The following HCN1 variants were observed in gnomAD, a reference collection of about 807,000 sequenced individuals.
HCN1 encodes potassium/sodium hyperpolarization-activated cyclic nucleotide-gated channel 1.
HCN1 carries 13 observed loss-of-function variants against 78.9 expected under a neutral mutation model. That is an observed-to-expected ratio of 0.16 (90% CI 0.11 to 0.26). HCN1 has a LOEUF of 0.26. HCN1 is among the 10% of genes least tolerant of loss of function. HCN1 has a pLI of 1.00. For synonymous variants in HCN1, 552 were observed against 455.5 expected, an observed-to-expected ratio of 1.21 and a Z score of -2.70; for missense variants, 810 against 1,154.3, an observed-to-expected ratio of 0.70 and a Z score of 4.32.
chr5:45,323,497 T>A (rs1478769216), intron 5 of HCN1, among the ~76,000 whole-genome samples: 3 of 151,934 alleles, frequency 2.0e-5, no homozygotes, highest in African/African-American at 4.8e-5. Flanking sequence ...CTAGATTTTT[T>A]AAAAACCTTT....
chr5:45,402,135 T>C (rs1739826164), intron 3 of HCN1, among the ~76,000 whole-genome samples: 1 of 152,116 alleles, frequency 6.6e-6, no homozygotes, highest in South Asian at 2.1e-4. Flanking sequence ...CAGGAGGGAA[T>C]GAGGAGCATA....
At chr5:45,646,481 C>T (rs1745552467) in intron 1 of HCN1, among the ~76,000 whole-genome samples, 1 of 151,030 alleles carries the variant, frequency 6.6e-6, no homozygotes, top group Non-Finnish European at 1.5e-5. Context: ...AGTGATTCTC[C>T]TCCCGCCTCA....
chr5:45,404,693 CAAAAAAA>C lies in HCN1; in HGVS notation c.1012-7990_1012-7984del, dbSNP rs60728403. 1.5e-3 allele frequency among the ~76,000 whole-genome samples: 87 copies of C among 56,240 alleles called. 1 individual carries two copies. Among genetic ancestry groups the C allele is most frequent in the South Asian group, 3.4e-3 (4 of 1,182 alleles). 36.9% of individuals were successfully genotyped at this position (56,240 alleles called of 152,430 possible). A position where few individuals can be genotyped will look rare whatever the true frequency, so the allele number is the denominator to read the frequency against. On this transcript the variant is annotated intron_variant, in intron 3 of 7. Transcript: ENST00000303230. ...GGGAGTCAGGATGAAGGGCTATTTG[CAAAAAAA>C]AAAAAAAAAAAAAAAAAAAAAGGAA... is the stretch of plus-strand genomic sequence containing the variant.
intron 3 of HCN1, among the ~76,000 whole-genome samples, chr5:45,413,878 C>CT (rs1022043237): frequency 9.9e-5 from 15 of 151,816 alleles, no homozygotes; most frequent in Admixed American, 7.3e-4. Context: ...AATAAATTAT[C>CT]TTTTTTTAGG....
intron 2 of HCN1, among the ~76,000 whole-genome samples, chr5:45,477,889 A>G (rs1355729600): frequency 6.6e-6 from 1 of 152,194 alleles, no homozygotes; most frequent in Non-Finnish European, 1.5e-5. Context: ...TTCTACAAGC[A>G]TAGTGGTTAA....
chr5:45,358,232 G>A (rs1747041845), intron 4 of HCN1, among the ~76,000 whole-genome samples: 1 of 152,068 alleles, frequency 6.6e-6, no homozygotes, highest in Non-Finnish European at 1.5e-5. Flanking sequence ...ATCACGAGCT[G>A]TCTATGAGGT....
chr5:45,450,120 C>A (rs1028437781), intron 3 of HCN1, among the ~76,000 whole-genome samples: 1 of 152,174 alleles, frequency 6.6e-6, no homozygotes, highest in Non-Finnish European at 1.5e-5. Flanking sequence ...CGTGAGCCAC[C>A]GCGCCCAGCC....
At chr5:45,332,584 TCTAA>T (rs1308647656) in intron 5 of HCN1, among the ~76,000 whole-genome samples, 1 of 151,434 alleles carries the variant, frequency 6.6e-6, no homozygotes, top group Admixed American at 6.6e-5. Flanking sequence ...AACATTTTTT[TCTAA>T]CTATCATTTT....
chr5:45,334,469 C>T (rs1294400232), intron 5 of HCN1, among the ~76,000 whole-genome samples: 1 of 151,760 alleles, frequency 6.6e-6, no homozygotes, highest in Non-Finnish European at 1.5e-5. Context: ...CTTTTCTCCG[C>T]TAATTAACTA....
In HCN1 at chr5:45,260,945, A is replaced by C. The variant is rs1744726535; in HGVS notation, c.*976T>G. 1 of 152,628 alleles carries C rather than the reference A, an allele frequency of 6.6e-6. No homozygotes were observed. Among genetic ancestry groups the C allele is most frequent in the Admixed American group, 6.5e-5 (1 of 15,276 alleles). The allele number at this position is 152,628 out of a possible 1,614,324, so 9.5% of individuals were successfully genotyped here. The stretch of plus-strand genomic sequence containing the variant: ...TATTTTCAGATGCTTGATTATGGCA[A>C]GAAGAAAGAAAAGTAACGATTTTTG... On this transcript the variant is annotated 3_prime_UTR_variant, in exon 8 of 8. Coordinates refer to ENST00000303230, the MANE Select transcript of HCN1 (RefSeq NM_021072.4).
intron 5 of HCN1, among the ~76,000 whole-genome samples, chr5:45,342,238 CTTT>C (rs553095512): frequency 5.0e-5 from 7 of 141,406 alleles, no homozygotes; most frequent in African/African-American, 1.0e-4. Flanking sequence ...TATTTCTTTC[CTTT>C]TTTTTTTTTT....
intron 4 of HCN1, among the ~76,000 whole-genome samples, chr5:45,385,921 T>C (rs1747898477): frequency 6.6e-6 from 1 of 152,154 alleles, no homozygotes. Context: ...AGGACCAGCT[T>C]AGCTCTACAA....
chr5:45,418,864 T>C (rs919540887), intron 3 of HCN1, among the ~76,000 whole-genome samples: 5 of 152,184 alleles, frequency 3.3e-5, no homozygotes, highest in African/African-American at 7.2e-5. Context: ...AAGATTTATA[T>C]ATAATTCTAT....
chr5:45,582,395 G>A (rs917071264), intron 2 of HCN1, among the ~76,000 whole-genome samples: 7 of 152,252 alleles, frequency 4.6e-5, no homozygotes, highest in East Asian at 1.9e-4. Context: ...TGCTGAAGTT[G>A]CCTATCACCT....
At chr5:45,619,160 A>G (rs2111991576) in intron 2 of HCN1, among the ~76,000 whole-genome samples, 1 of 152,220 alleles carries the variant, frequency 6.6e-6, no homozygotes, top group African/African-American at 2.4e-5. Context: ...GAAGAAGTAG[A>G]AACCAAGCCT....
At chr5:45,622,298 A>C (rs1004575717) in intron 2 of HCN1, among the ~76,000 whole-genome samples, 2 of 152,232 alleles carry the variant, frequency 1.3e-5, no homozygotes, top group Non-Finnish European at 2.9e-5. Context: ...GCCATGTGAA[A>C]GGAATTGTTT....
intron 3 of HCN1, among the ~76,000 whole-genome samples, chr5:45,415,200 C>T (rs1470010044): frequency 2.0e-5 from 3 of 151,936 alleles, no homozygotes; most frequent in African/African-American, 7.2e-5. Flanking sequence ...TTAATGAAAA[C>T]AATGTTTTAT....
chr5:45,372,736 T>TAAAAATATATACGTATTCTATACAC (rs1561128768), intron 4 of HCN1, among the ~76,000 whole-genome samples: 7 of 143,522 alleles, frequency 4.9e-5, no homozygotes, highest in Admixed American at 7.2e-5. Flanking sequence ...CGTATTTATA[T>TAAAAATATATACGTATTCTATACAC]AAAAATATAT....
intron 4 of HCN1, 93 bp downstream of exon 4, chr5:45,396,398 TA>T: frequency 3.2e-6 from 3 of 933,160 alleles, no homozygotes; most frequent in Non-Finnish European, 5.1e-6. Context: ...TTTTTTTTTT[TA>T]TAGAGGAGAT....
Sources: allele counts gnomAD v4.1 joint callset (sites outside exome capture counted in the v4.1 genomes callset), GRCh38; gene constraint gnomAD v4.1.1; transcripts MANE v1.5; gene names NCBI Gene and HGNC (gene_info 2026-07-23, HGNC 2026-07-21).